XYLT1: variants seen among roughly 807,000 people sequenced by gnomAD.
XYLT1 encodes the protein xylosyltransferase 1, also known as beta-D-xylosyltransferase 1.
XYLT1 carries 36 observed loss-of-function variants against 91.3 expected under a neutral mutation model. The observed-to-expected ratio is 0.39, with a 90% CI of 0.30 to 0.52. The LOEUF (loss-of-function observed/expected upper bound fraction) is 0.52, where lower values mean the gene tolerates loss of function less well. Among genes scored for constraint, XYLT1 ranks in the 20% least tolerant of loss-of-function variants. XYLT1 has a pLI of 0.68. For synonymous variants in XYLT1, 588 were observed against 532.0 expected (o/e 1.11, Z -1.45); for missense variants, 1,242 against 1,284.5 (o/e 0.97, Z 0.51).
At chr16:17,247,949 A>T (rs1455016976) in intron 3 of XYLT1, among the ~76,000 whole-genome samples, 1 of 152,188 alleles carries the variant, frequency 6.6e-6, no homozygotes, top group East Asian at 1.9e-4. Context: ...AAGTGGAAGA[A>T]GCATGATTCT....
intron 2 of XYLT1, among the ~76,000 whole-genome samples, chr16:17,265,594 G>T (rs1421154764): frequency 1.3e-5 from 2 of 152,200 alleles, no homozygotes; most frequent in African/African-American, 4.8e-5. Flanking sequence ...TTATTCTGGA[G>T]AAATAATTAA....
At chr16:17,267,482 T>C (rs2033823832) in intron 2 of XYLT1, among the ~76,000 whole-genome samples, 1 of 152,166 alleles carries the variant, frequency 6.6e-6, no homozygotes, top group African/African-American at 2.4e-5. Flanking sequence ...ATCACGCTCA[T>C]CGCAAGCTCC....
chr16:17,132,110 A>T (rs2030504886), intron 9 of XYLT1, among the ~76,000 whole-genome samples: 1 of 152,210 alleles, frequency 6.6e-6, no homozygotes, highest in Non-Finnish European at 1.5e-5. Context: ...ACATTCTAGG[A>T]AGCCTGCAAC....
chr16:17,129,364 C>T (rs556908591), intron 9 of XYLT1, among the ~76,000 whole-genome samples: 78 of 152,210 alleles, frequency 5.1e-4, no homozygotes, highest in South Asian at 2.5e-3. Context: ...TGGGTTCAAG[C>T]GATTCTCCTG....
chr16:17,383,138 A>T (rs2035702167), intron 1 of XYLT1, among the ~76,000 whole-genome samples: 1 of 151,786 alleles, frequency 6.6e-6, no homozygotes. Context: ...CACAGTCACA[A>T]TCCCAAGCAC....
intron 1 of XYLT1, among the ~76,000 whole-genome samples, chr16:17,376,108 C>T (rs2035597666): frequency 6.6e-6 from 1 of 152,236 alleles, no homozygotes; most frequent in Non-Finnish European, 1.5e-5. Flanking sequence ...AGGGGCCCAT[C>T]CCACTGTGCT....
At chr16:17,374,653 A>C (rs1318663030) in intron 1 of XYLT1, among the ~76,000 whole-genome samples, 1 of 151,686 alleles carries the variant, frequency 6.6e-6, no homozygotes, top group Non-Finnish European at 1.5e-5. Context: ...AAAAAAAAAA[A>C]CAAGAGGTGA....
At chr16:17,368,984 G>A (rs1277969112) in intron 1 of XYLT1, among the ~76,000 whole-genome samples, 1 of 151,660 alleles carries the variant, frequency 6.6e-6, no homozygotes, top group Non-Finnish European at 1.5e-5. Context: ...GAGGCTCAGA[G>A]AGTTTCAAAG....
intron 2 of XYLT1, among the ~76,000 whole-genome samples, chr16:17,343,767 T>G (rs1013098178): frequency 6.6e-6 from 1 of 152,178 alleles, no homozygotes; most frequent in South Asian, 2.1e-4. Flanking sequence ...CCATACCCAG[T>G]GTGCTTGGCT....
chr16:17,189,718 A>G (rs1276351725), intron 5 of XYLT1, among the ~76,000 whole-genome samples: 1 of 152,240 alleles, frequency 6.6e-6, no homozygotes, highest in Non-Finnish European at 1.5e-5. Context: ...GCAGGTCACC[A>G]AATGTCATAT....
chr16:17,470,629 C>T lies in XYLT1; in HGVS notation c.168G>A (p.Gln56=). The change falls in exon 1 of 12, where the codon CAG becomes CAA. Residue 56 remains glutamine (Q), a synonymous_variant. Coordinates refer to ENST00000261381, the MANE Select transcript of XYLT1 (RefSeq NM_022166.4). ...GGCGCGGGGCCGGGGCCGGGGGCGG[C>T]TGCTCCCCGCCGCCGACCGCTGCGC... The part of the protein sequence containing the change: ...RGGAAVGGGE[Q]PPPAPAPRRE... The T allele has an allele frequency of 9.1e-7, 1 of 1,102,418 alleles. No homozygotes were observed. Among genetic ancestry groups the T allele is most frequent in the South Asian group, 3.5e-5 (1 of 28,274 alleles). 68.3% of individuals were successfully genotyped at this position (1,102,418 alleles called of 1,614,324 possible). A position where few individuals can be genotyped will look rare whatever the true frequency, so the allele number is the denominator to read the frequency against.
intron 2 of XYLT1, among the ~76,000 whole-genome samples, chr16:17,333,126 G>T (rs1452400287): frequency 6.6e-6 from 1 of 152,068 alleles, no homozygotes; most frequent in Non-Finnish European, 1.5e-5. Flanking sequence ...TGTGTTCCGG[G>T]CTTTTCTCTG....
rs1354145581 is a variant in XYLT1, at chr16:17,272,193, G to A, written c.403-12695C>T. ...TTTTTTTTTTTTGAGACAGAGTCTC[G>A]CTTTGTCACCCAGGCTGGAGTGCAG... On this transcript the variant is annotated intron_variant, in intron 2 of 11. Transcript: ENST00000261381. Among the ~76,000 whole-genome samples the A allele has an allele frequency of 3.6e-5, 4 of 112,292 alleles. No homozygotes were observed. In the East Asian group the frequency reaches 7.5e-4, roughly 21 times the overall value. 73.7% of individuals were successfully genotyped at this position (112,292 alleles called of 152,430 possible). A position where few individuals can be genotyped will look rare whatever the true frequency, so the allele number is the denominator to read the frequency against.
At chr16:17,298,458 T>C (rs1282344378) in intron 2 of XYLT1, among the ~76,000 whole-genome samples, 1 of 152,206 alleles carries the variant, frequency 6.6e-6, no homozygotes, top group East Asian at 1.9e-4. Flanking sequence ...ACGTCATTTA[T>C]ACCACACTGC....
chr16:17,343,449 G>C (rs1025101923), intron 2 of XYLT1, among the ~76,000 whole-genome samples: 3 of 152,046 alleles, frequency 2.0e-5, no homozygotes, highest in Non-Finnish European at 2.9e-5. Flanking sequence ...TCAAGGTTGT[G>C]CTGGCGTTTT....
At chr16:17,293,680 G>A (rs2034265544) in intron 2 of XYLT1, among the ~76,000 whole-genome samples, 1 of 152,014 alleles carries the variant, frequency 6.6e-6, no homozygotes, top group Admixed American at 6.6e-5. Flanking sequence ...GTAGCGACAA[G>A]GTCTTACCAC....
At chr16:17,449,267 A>G (rs1333902552) in intron 1 of XYLT1, among the ~76,000 whole-genome samples, 1 of 152,252 alleles carries the variant, frequency 6.6e-6, no homozygotes, top group Non-Finnish European at 1.5e-5. Flanking sequence ...ATCCTGGGGA[A>G]AGGCTCTGAC....
At chr16:17,293,070 G>C (rs1484733817) in intron 2 of XYLT1, among the ~76,000 whole-genome samples, 1 of 152,208 alleles carries the variant, frequency 6.6e-6, no homozygotes, top group Non-Finnish European at 1.5e-5. Context: ...AGCAAAGAGA[G>C]TGGAGGTCCT....
intron 2 of XYLT1, among the ~76,000 whole-genome samples, chr16:17,348,666 T>C (rs2035179349): frequency 6.6e-6 from 1 of 152,190 alleles, no homozygotes. Flanking sequence ...GCTCTCACGT[T>C]CCCCAAGTTT....
Sources: gnomAD v4.1 joint callset for allele counts (sites outside exome capture counted in the v4.1 genomes callset) on GRCh38, gnomAD v4.1.1 for gene constraint, MANE v1.5 for transcripts, NCBI Gene and HGNC (gene_info 2026-07-23, HGNC 2026-07-21) for gene names.